Variants in PTPRD observed in about 807,000 individuals in gnomAD.
PTPRD encodes the protein receptor-type tyrosine-protein phosphatase delta.
In PTPRD, 34 loss-of-function variants were observed where a neutral mutation model predicts 214.5. The observed-to-expected ratio is 0.16, with a 90% CI of 0.12 to 0.21. PTPRD has a LOEUF of 0.21. Among genes scored for constraint, PTPRD ranks in the 10% least tolerant of loss-of-function variants. The pLI is 1.00. For missense variants in PTPRD, 2,545 were observed against 2,398.7 expected, an observed-to-expected ratio of 1.06 and a Z score of -1.27; for synonymous variants, 1,128 against 845.7, an observed-to-expected ratio of 1.33 and a Z score of -5.79.
At chr9:8,893,902 A>C (rs2098570183) in intron 11 of PTPRD, among the ~76,000 whole-genome samples, 1 of 152,004 alleles carries the variant, frequency 6.6e-6, no homozygotes, top group Admixed American at 6.6e-5. Flanking sequence ...CCCACAGAAC[A>C]ATTTTATATA....
chr9:8,806,673 G>A (rs888251519), intron 11 of PTPRD, among the ~76,000 whole-genome samples: 5 of 152,186 alleles, frequency 3.3e-5, no homozygotes, highest in Non-Finnish European at 7.3e-5. Flanking sequence ...TGGCTTAAGA[G>A]ATGACATGAT....
chr9:10,508,353 G>C (rs1481438185), intron 2 of PTPRD, among the ~76,000 whole-genome samples: 1 of 152,158 alleles, frequency 6.6e-6, no homozygotes, highest in Non-Finnish European at 1.5e-5. Flanking sequence ...TGGTGGGACT[G>C]TAAACTAGTT....
At chr9:9,957,850 A>G (rs540472516) in intron 4 of PTPRD, among the ~76,000 whole-genome samples, 1 of 152,244 alleles carries the variant, frequency 6.6e-6, no homozygotes, top group East Asian at 1.9e-4. Context: ...ACCGATCAAC[A>G]GAATAGAAGA....
intron 7 of PTPRD, among the ~76,000 whole-genome samples, chr9:9,647,623 G>C: frequency 6.6e-6 from 1 of 152,128 alleles, no homozygotes; most frequent in East Asian, 1.9e-4. Flanking sequence ...TAAATTCTCA[G>C]GGGAAGCCTG....
rs2130441856 is a variant in PTPRD at position 8,317,865 on chromosome 9, C to T, written c.*9G>A. 6.2e-7 allele frequency: 1 copy of T among 1,611,722 alleles called. No individual in the cohort carries two copies. The highest frequency in any genetic ancestry group is 8.5e-7 in the Non-Finnish European group (1 of 1,178,378). On this transcript the variant is annotated 3_prime_UTR_variant, in exon 46 of 46. Coordinates refer to ENST00000381196, the MANE Select transcript of PTPRD (RefSeq NM_002839.4). ...CCTGTAGTAAAAATCCAGAATGGGT[C>T]AGGGGTTTCTACGTTGCATAGTGGT...
chr9:9,628,545 C>T (rs1025501931), intron 7 of PTPRD, among the ~76,000 whole-genome samples: 4 of 152,092 alleles, frequency 2.6e-5, no homozygotes, highest in Non-Finnish European at 4.4e-5. Context: ...AGCTCAAATC[C>T]TTTCACTCCC....
At chr9:8,416,033 T>C (rs924612379) in intron 35 of PTPRD, among the ~76,000 whole-genome samples, 3 of 151,978 alleles carry the variant, frequency 2.0e-5, no homozygotes, top group Non-Finnish European at 2.9e-5. Context: ...TTCCTGGTGT[T>C]AGACTTCAGA....
At chr9:10,285,605 CTTTTTTTTT>C (rs34225956) in intron 3 of PTPRD, among the ~76,000 whole-genome samples, 6 of 104,068 alleles carry the variant, frequency 5.8e-5, no homozygotes, top group East Asian at 3.0e-4. Context: ...GGGGTCTCAT[CTTTTTTTTT>C]TTTTTTTTTT....
At chr9:9,315,948 G>C (rs1250868655) in intron 9 of PTPRD, among the ~76,000 whole-genome samples, 1 of 140,792 alleles carries the variant, frequency 7.1e-6, no homozygotes, top group South Asian at 2.3e-4. Flanking sequence ...TTAATTAATT[G>C]ACATATATCT....
chr9:9,142,111 G>A (rs956221565), intron 10 of PTPRD, among the ~76,000 whole-genome samples: 5 of 152,216 alleles, frequency 3.3e-5, no homozygotes, highest in African/African-American at 7.2e-5. Context: ...GGGACCATCT[G>A]CAGTTCTGCA....
intron 3 of PTPRD, among the ~76,000 whole-genome samples, chr9:10,166,645 A>C (rs2099161025): frequency 6.6e-6 from 1 of 152,004 alleles, no homozygotes; most frequent in South Asian, 2.1e-4. Flanking sequence ...TGTGAGTTCA[A>C]ATCAAATTTG....
chr9:8,797,106 A>G (rs1403970360), intron 11 of PTPRD: 1 of 152,134 alleles, frequency 6.6e-6, no homozygotes, highest in Non-Finnish European at 1.5e-5. Context: ...AAGAGACTTA[A>G]AGCACACAAG....
intron 14 of PTPRD, among the ~76,000 whole-genome samples, chr9:8,546,634 G>C (rs922374097): frequency 5.3e-5 from 8 of 152,002 alleles, no homozygotes; most frequent in Admixed American, 1.3e-4. Flanking sequence ...CAGTAGATGG[G>C]ATTACAGGCG....
intron 5 of PTPRD, among the ~76,000 whole-genome samples, chr9:9,932,076 T>C (rs1375788633): frequency 3.0e-4 from 45 of 148,874 alleles, no homozygotes; most frequent in South Asian, 4.2e-4. Context: ...AACCCATCTG[T>C]ACATCACCAT....
chr9:10,558,735 C>A (rs531336504), intron 2 of PTPRD, among the ~76,000 whole-genome samples: 1 of 152,068 alleles, frequency 6.6e-6, no homozygotes, highest in Non-Finnish European at 1.5e-5. Flanking sequence ...ATAGTACAAC[C>A]TTTACAAGTG....
chr9:9,059,149 C>T (rs1474383682), intron 10 of PTPRD, among the ~76,000 whole-genome samples: 1 of 152,108 alleles, frequency 6.6e-6, no homozygotes, highest in East Asian at 1.9e-4. Flanking sequence ...GCATGCTGGG[C>T]AGCACTGAGG....
chr9:9,897,783 T>G (rs1039880992), intron 5 of PTPRD, among the ~76,000 whole-genome samples: 1 of 152,112 alleles, frequency 6.6e-6, no homozygotes, highest in African/African-American at 2.4e-5. Flanking sequence ...CTTGATATTT[T>G]TTAAAGTAGA....
intron 11 of PTPRD, among the ~76,000 whole-genome samples, chr9:8,888,672 T>C (rs2098511796): frequency 6.6e-6 from 1 of 152,208 alleles, no homozygotes; most frequent in South Asian, 2.1e-4. Flanking sequence ...CTGTGGTGCT[T>C]CACCTTAGCC....
chr9:10,535,060 C>T (rs2057414505), intron 2 of PTPRD, among the ~76,000 whole-genome samples: 1 of 152,126 alleles, frequency 6.6e-6, no homozygotes, highest in Non-Finnish European at 1.5e-5. Context: ...TGGGGGATGG[C>T]AGGTACCAAC....
Sources: allele counts gnomAD v4.1 joint callset (sites outside exome capture counted in the v4.1 genomes callset), GRCh38; gene constraint gnomAD v4.1.1; transcripts MANE v1.5; gene names NCBI Gene and HGNC (gene_info 2026-07-23, HGNC 2026-07-21).